The following MDGA2 variants were observed in gnomAD, a reference collection of about 807,000 sequenced individuals.
The protein encoded by MDGA2 is MAM domain-containing glycosylphosphatidylinositol anchor protein 2.
A neutral mutation model predicts 117.8 loss-of-function variants in MDGA2; 40 were observed. The ratio of observed to expected loss-of-function variants is 0.34; its 90% CI spans 0.26 to 0.44. MDGA2 has a LOEUF of 0.44. Among genes scored for constraint, MDGA2 ranks in the 20% least tolerant of loss-of-function variants. The probability of loss-of-function intolerance (pLI) is 1.00; values close to 1 mark genes in which losing one functional copy is unlikely to be tolerated. For missense variants in MDGA2, 1,123 were observed against 1,250.6 expected, an observed-to-expected ratio of 0.90 and a Z score of 1.54; for synonymous variants, 452 against 439.0, an observed-to-expected ratio of 1.03 and a Z score of -0.37.
intron 1 of MDGA2, among the ~76,000 whole-genome samples, chr14:47,525,981 T>A (rs1322037320): frequency 6.6e-6 from 1 of 152,124 alleles, no homozygotes; most frequent in African/African-American, 2.4e-5. Context: ...ATTTCCTTCT[T>A]TGAGCTTTAA....
At chr14:47,378,800 A>G (rs555810863) in intron 1 of MDGA2, among the ~76,000 whole-genome samples, 2 of 152,350 alleles carry the variant, frequency 1.3e-5, no homozygotes, top group South Asian at 2.1e-4. Context: ...TCTTCAGGAT[A>G]TTATCCAGGA....
intron 1 of MDGA2, among the ~76,000 whole-genome samples, chr14:47,323,858 C>T (rs1336526524): frequency 6.6e-6 from 1 of 151,968 alleles, no homozygotes; most frequent in Non-Finnish European, 1.5e-5. Flanking sequence ...TGGAAGAAAT[C>T]GGTATGAGAA....
chr14:47,374,513 T>A (rs1891433399), intron 1 of MDGA2, among the ~76,000 whole-genome samples: 1 of 152,130 alleles, frequency 6.6e-6, no homozygotes, highest in African/African-American at 2.4e-5. Context: ...TCATATCTAT[T>A]TTTATCCTGT....
rs182871660 is a variant in MDGA2, at chr14:46,880,593, G to A, written c.2416+1451C>T. Among the ~76,000 whole-genome samples, 6 of 151,198 alleles carry A rather than the reference G, an allele frequency of 4.0e-5. No homozygotes were observed. The East Asian group carries it at 7.8e-4, about 20-fold the overall frequency. ...CGAGGCAGGTGGATCACCTGAGGTCGGGAGTTCGAGACCAGCCTGACCAAC... is the reference window on the plus strand; with the variant it reads ...CGAGGCAGGTGGATCACCTGAGGTCAGGAGTTCGAGACCAGCCTGACCAAC... On this transcript the variant is annotated intron_variant, in intron 11 of 16. Coordinates refer to ENST00000399232, the MANE Select transcript of MDGA2 (RefSeq NM_001113498.3).
At chr14:47,021,095 ATAATTTAAGTCAATTTAT>A (rs1357370721) in intron 8 of MDGA2, among the ~76,000 whole-genome samples, 1 of 152,192 alleles carries the variant, frequency 6.6e-6, no homozygotes, top group Non-Finnish European at 1.5e-5. Context: ...CAAAAATAAA[ATAATTTAAGTCAATTTAT>A]CAAGCATTGT....
intron 1 of MDGA2, among the ~76,000 whole-genome samples, chr14:47,410,437 TTTTG>T (rs1220659613): frequency 6.6e-6 from 1 of 151,806 alleles, no homozygotes; most frequent in Non-Finnish European, 1.5e-5. Flanking sequence ...CCAGTTTTCT[TTTTG>T]TTTTTTTGTT....
At chr14:46,896,102 T>C (rs1883066047) in intron 10 of MDGA2, among the ~76,000 whole-genome samples, 1 of 152,186 alleles carries the variant, frequency 6.6e-6, no homozygotes, top group Non-Finnish European at 1.5e-5. Context: ...ATTTTCTAAG[T>C]TTTGTTAGGC....
chr14:47,524,683 T>C (rs978140030), intron 1 of MDGA2, among the ~76,000 whole-genome samples: 6 of 152,190 alleles, frequency 3.9e-5, no homozygotes, highest in Non-Finnish European at 8.8e-5. Flanking sequence ...CTAAGTTACA[T>C]TATAGTGACC....
chr14:46,994,892 C>G (rs1158775120), intron 8 of MDGA2, among the ~76,000 whole-genome samples: 1 of 152,034 alleles, frequency 6.6e-6, no homozygotes, highest in African/African-American at 2.4e-5. Context: ...CAAAGGATAG[C>G]TCCTTTAATC....
rs7159251 is a variant in MDGA2 at position 47,172,677 on chromosome 14, G to A, written c.596-28403C>T. ...TCACCATCATCAAACACCAAAAGTAGATAAAACCACAAAGATGGGGAAAAA... is the reference window on the plus strand; with the variant it reads ...TCACCATCATCAAACACCAAAAGTAAATAAAACCACAAAGATGGGGAAAAA... On this transcript the variant is annotated intron_variant, in intron 3 of 16. Coordinates refer to ENST00000399232, the MANE Select transcript of MDGA2 (RefSeq NM_001113498.3). Among the ~76,000 whole-genome samples the A allele has an allele frequency of 2.0e-3, 309 of 151,714 alleles. 1 individual carries two copies. In the East Asian group the frequency reaches 0.024, roughly 12 times the overall value.
chr14:47,117,231 T>G (rs1051269248), intron 5 of MDGA2, among the ~76,000 whole-genome samples: 1 of 152,140 alleles, frequency 6.6e-6, no homozygotes, highest in East Asian at 1.9e-4. Flanking sequence ...CCTGTCAGGA[T>G]GACTACTACT....
intron 1 of MDGA2, among the ~76,000 whole-genome samples, chr14:47,540,384 T>C (rs1181140140): frequency 6.6e-6 from 1 of 151,904 alleles, no homozygotes; most frequent in Admixed American, 6.6e-5. Context: ...CTATTTAAAA[T>C]AGCAAGCCAC....
chr14:47,004,695 C>T lies in MDGA2; in HGVS notation c.1819+30316G>A, dbSNP rs60503485. 4.7e-3 allele frequency among the ~76,000 whole-genome samples: 715 copies of T among 151,780 alleles called. 6 individuals carry two copies. The highest frequency in any genetic ancestry group is 0.016 in the African/African-American group (673 of 41,508). ...GTATTAAAAACAATATTGAATATCA[C>T]AATTTGCGAATAACTCATATCTCTC... On this transcript the variant is annotated intron_variant, in intron 8 of 16. Transcript: ENST00000399232.
chr14:47,125,538 T>G (rs996655234), intron 5 of MDGA2, among the ~76,000 whole-genome samples: 3 of 151,316 alleles, frequency 2.0e-5, no homozygotes, highest in African/African-American at 7.3e-5. Flanking sequence ...TTGACCTCTA[T>G]CTTTTTCCAT....
intron 3 of MDGA2, among the ~76,000 whole-genome samples, chr14:47,165,014 C>A (rs556045906): frequency 6.6e-6 from 1 of 151,982 alleles, no homozygotes; most frequent in Non-Finnish European, 1.5e-5. Flanking sequence ...AAAAACCAAA[C>A]GCCACATGTT....
At chr14:47,432,016 G>A (rs1892809534) in intron 1 of MDGA2, among the ~76,000 whole-genome samples, 1 of 151,916 alleles carries the variant, frequency 6.6e-6, no homozygotes, top group Non-Finnish European at 1.5e-5. Context: ...TATTTACATC[G>A]ACTTGGTTAT....
At chr14:47,421,413 G>T (rs1892576119) in intron 1 of MDGA2, among the ~76,000 whole-genome samples, 1 of 152,146 alleles carries the variant, frequency 6.6e-6, no homozygotes, top group Non-Finnish European at 1.5e-5. Flanking sequence ...GAACACTATG[G>T]TTCATGTTTT....
chr14:47,400,233 C>G (rs1892105846), intron 1 of MDGA2, among the ~76,000 whole-genome samples: 1 of 152,172 alleles, frequency 6.6e-6, no homozygotes. Flanking sequence ...TGTGTATACT[C>G]ATGGTCCCAA....
chr14:47,134,088 C>T lies in MDGA2; in HGVS notation c.793-2242G>A, dbSNP rs538646511. On this transcript the variant is annotated intron_variant, in intron 4 of 16. Coordinates refer to ENST00000399232, the MANE Select transcript of MDGA2 (RefSeq NM_001113498.3). ...TCACAATCGAGCTAATTAACATATA[C>T]ATAACCTCACATAATTATTTTTATT... Among the ~76,000 whole-genome samples the T allele has an allele frequency of 2.0e-5, 3 of 152,110 alleles. No homozygotes were observed. The South Asian group carries it at 6.2e-4, about 32-fold the overall frequency.
Sources: gnomAD v4.1 joint callset for allele counts (sites outside exome capture counted in the v4.1 genomes callset) on GRCh38, gnomAD v4.1.1 for gene constraint, MANE v1.5 for transcripts, NCBI Gene and HGNC (gene_info 2026-07-23, HGNC 2026-07-21) for gene names.